GATAD2B: variants seen among roughly 807,000 people sequenced by gnomAD.
The protein encoded by GATAD2B is GATA zinc finger domain containing 2B.
Under a neutral mutation model 64.3 loss-of-function variants are expected in GATAD2B, and 8 were observed. The observed-to-expected ratio is 0.12, with a 90% CI of 0.07 to 0.22. The LOEUF (loss-of-function observed/expected upper bound fraction) is 0.22. Ranked by LOEUF, GATAD2B falls within the 10% of genes least tolerant of loss-of-function variation. The pLI, the probability that GATAD2B is intolerant of heterozygous loss-of-function variation, is 1.00. For missense variants in GATAD2B, 453 were observed against 752.0 expected, an observed-to-expected ratio of 0.60 and a Z score of 4.65; for synonymous variants, 281 against 271.3, an observed-to-expected ratio of 1.04 and a Z score of -0.35.
chr1:153,853,765 T>C (rs1033044883), intron 1 of GATAD2B, among the ~76,000 whole-genome samples: 7 of 152,246 alleles, frequency 4.6e-5, no homozygotes, highest in African/African-American at 1.7e-4. Context: ...TTAATCCATT[T>C]TGGGTTGATT....
chr1:153,852,621 G>T, intron 1 of GATAD2B: 1 of 799,054 alleles, frequency 1.3e-6, no homozygotes, highest in Non-Finnish European at 2.3e-6. Context: ...ACTCTTCCTG[G>T]CAAATTCAAT....
intron 1 of GATAD2B, among the ~76,000 whole-genome samples, chr1:153,922,230 A>T (rs1678466480): frequency 6.6e-6 from 1 of 151,344 alleles, no homozygotes; most frequent in Admixed American, 6.6e-5. Flanking sequence ...CCGCAAACAC[A>T]AGACTGAGCA....
chr1:153,851,612 T>C (rs1304037913), intron 1 of GATAD2B, among the ~76,000 whole-genome samples: 1 of 150,798 alleles, frequency 6.6e-6, no homozygotes, highest in Admixed American at 6.6e-5. Flanking sequence ...CTTTGTCCAT[T>C]TTTTTTTTAA....
intron 2 of GATAD2B, among the ~76,000 whole-genome samples, chr1:153,822,733 G>A (rs1009348221): frequency 3.3e-5 from 5 of 152,094 alleles, no homozygotes; most frequent in African/African-American, 9.7e-5. Flanking sequence ...TCCTGACCTC[G>A]TGATCCGCCC....
At chr1:153,876,196 C>G (rs1426293550) in intron 1 of GATAD2B, among the ~76,000 whole-genome samples, 1 of 120,608 alleles carries the variant, frequency 8.3e-6, no homozygotes, top group Non-Finnish European at 1.6e-5. Flanking sequence ...CCACTACACT[C>G]CAGCCTGGGC....
In GATAD2B at chr1:153,811,852, C is replaced by CAATG. The variant is rs752726274; in HGVS notation, c.1531-8_1531-5dup. On this transcript the variant is annotated splice_polypyrimidine_tract_variant and splice_region_variant and intron_variant, in intron 9 of 10. Coordinates refer to ENST00000368655, the MANE Select transcript of GATAD2B (RefSeq NM_020699.4). ...GGCTGCTCTGGGGCTGTGGAGCCTG[C>CAATG]AATGATGAGGAGACAGTGGATACAA... is the stretch of plus-strand genomic sequence containing the variant. The CAATG allele has an allele frequency of 6.3e-7, 1 of 1,578,632 alleles. No individual in the cohort carries two copies. The highest frequency in any genetic ancestry group is 8.7e-7 in the Non-Finnish European group (1 of 1,152,104).
intron 1 of GATAD2B, among the ~76,000 whole-genome samples, chr1:153,843,682 C>T (rs567058290): frequency 6.6e-6 from 1 of 152,042 alleles, no homozygotes; most frequent in Admixed American, 6.6e-5. Context: ...ATTAGTTATC[C>T]ATTCTCCACC....
intron 1 of GATAD2B, among the ~76,000 whole-genome samples, chr1:153,838,328 TC>T (rs1166834775): frequency 6.6e-6 from 1 of 152,232 alleles, no homozygotes. Flanking sequence ...ATTACTGTTT[TC>T]CAGAATTTCA....
At chr1:153,914,248 AAAAAG>A (rs1193309874) in intron 1 of GATAD2B, among the ~76,000 whole-genome samples, 1 of 151,232 alleles carries the variant, frequency 6.6e-6, no homozygotes, top group Non-Finnish European at 1.5e-5. Flanking sequence ...AAAAAAAAAA[AAAAAG>A]AGTTGTGAGC....
At chr1:153,867,172 C>T (rs4077458) in intron 1 of GATAD2B, among the ~76,000 whole-genome samples, 1 of 152,166 alleles carries the variant, frequency 6.6e-6, no homozygotes, top group African/African-American at 2.4e-5. Flanking sequence ...GAGCACACCT[C>T]GGTGTGGTAT....
At chr1:153,871,364 C>T (rs1326263915) in intron 1 of GATAD2B, among the ~76,000 whole-genome samples, 2 of 152,012 alleles carry the variant, frequency 1.3e-5, no homozygotes, top group Non-Finnish European at 2.9e-5. Flanking sequence ...CACACCCGGC[C>T]ACTTGTTTTT....
At chr1:153,898,320 A>AG (rs1258453703) in intron 1 of GATAD2B, among the ~76,000 whole-genome samples, 128 of 144,346 alleles carry the variant, frequency 8.9e-4, no homozygotes, top group Middle Eastern at 3.5e-3. Flanking sequence ...AAAAAAAAAA[A>AG]AAAGAAAAAA....
intron 1 of GATAD2B, among the ~76,000 whole-genome samples, chr1:153,862,366 G>A (rs938088922): frequency 4.6e-5 from 7 of 151,626 alleles, no homozygotes; most frequent in Middle Eastern, 6.8e-3. Flanking sequence ...CAGGTGATCC[G>A]CCCGCCTCAA....
At chr1:153,852,743 G>A (rs1675947206) in intron 1 of GATAD2B, 3 of 923,210 alleles carry the variant, frequency 3.2e-6, no homozygotes, top group South Asian at 1.3e-5. Context: ...GACAGGGAGT[G>A]AAGCTTGGTA....
intron 1 of GATAD2B, among the ~76,000 whole-genome samples, chr1:153,844,968 GAGA>G (rs952092950): frequency 5.3e-5 from 8 of 150,876 alleles, no homozygotes; most frequent in South Asian, 2.1e-4. Context: ...GACCCCTAAT[GAGA>G]AGAATAATCA....
At position 153,865,487 on chromosome 1, in the gene GATAD2B, T is replaced by C. The variant is rs560703450; in HGVS notation, c.-1-37139A>G. 7.2e-5 allele frequency among the ~76,000 whole-genome samples: 11 copies of C among 152,108 alleles called. No individual in the cohort carries two copies. In the East Asian group the frequency reaches 1.7e-3, roughly 24 times the overall value. On this transcript the variant is annotated intron_variant, in intron 1 of 10. Coordinates refer to ENST00000368655, the MANE Select transcript of GATAD2B (RefSeq NM_020699.4). ...AAAACAAATAATTTAAAAAAAAATC[T>C]ACATCTAATTCTAATGACCAGGACA...
intron 1 of GATAD2B, among the ~76,000 whole-genome samples, chr1:153,920,650 G>A (rs1038081325): frequency 2.6e-5 from 4 of 152,168 alleles, no homozygotes; most frequent in Non-Finnish European, 4.4e-5. Flanking sequence ...AAAGATGGAT[G>A]CTGCTGTCAA....
intron 1 of GATAD2B, among the ~76,000 whole-genome samples, chr1:153,888,898 T>A (rs1677267216): frequency 6.6e-6 from 1 of 152,112 alleles, no homozygotes; most frequent in East Asian, 1.9e-4. Flanking sequence ...CTTATCTTTA[T>A]CCTCTGAAAT....
intron 7 of GATAD2B, among the ~76,000 whole-genome samples, chr1:153,815,097 A>AAAAAAAAAAAAAAAAAC (rs1674413254): frequency 7.0e-6 from 1 of 143,602 alleles, no homozygotes; most frequent in Non-Finnish European, 1.5e-5. Context: ...AAAAAAAAAA[A>AAAAAAAAAAAAAAAAAC]AAAAAAAAAA....
Sources: gnomAD v4.1 joint callset for allele counts (sites outside exome capture counted in the v4.1 genomes callset) on GRCh38, gnomAD v4.1.1 for gene constraint, MANE v1.5 for transcripts, NCBI Gene and HGNC (gene_info 2026-07-23, HGNC 2026-07-21) for gene names.